The following EPB41 variants were observed in gnomAD, a reference collection of about 807,000 sequenced individuals.
EPB41 encodes protein 4.1.
In EPB41, 65 loss-of-function variants were observed where a neutral mutation model predicts 108.0. The observed-to-expected ratio is 0.60, with a 90% CI of 0.49 to 0.74. EPB41 has a LOEUF of 0.74. Ranked by LOEUF, EPB41 falls within the 30% of genes least tolerant of loss-of-function variation. The pLI, the probability that EPB41 is intolerant of heterozygous loss-of-function variation, is 0.00. For synonymous variants in EPB41, 336 were observed against 358.9 expected, an observed-to-expected ratio of 0.94 and a Z score of 0.72; for missense variants, 875 against 1,037.0, an observed-to-expected ratio of 0.84 and a Z score of 2.15.
intron 11 of EPB41, among the ~76,000 whole-genome samples, chr1:29,052,764 C>T (rs1276670462): frequency 6.6e-6 from 1 of 151,574 alleles, no homozygotes; most frequent in African/African-American, 2.4e-5. Flanking sequence ...CCCTTTTTTT[C>T]CTGCCATAGA....
intron 1 of EPB41, among the ~76,000 whole-genome samples, chr1:28,896,542 G>A (rs1394294379): frequency 6.6e-6 from 1 of 152,222 alleles, no homozygotes; most frequent in Non-Finnish European, 1.5e-5. Context: ...AGAAGATGCA[G>A]AAATCACCAA....
Position 28,987,923 on chromosome 1 carries a change from T to A in EPB41, c.468+18T>A, listed in dbSNP as rs1451344480. Reference sequence around the variant, plus strand: ...AAACACAGGTAAGGATGTGTGGATATGGGAGGTGGGCAAAGGAAGGCAGGT... The same window carrying A: ...AAACACAGGTAAGGATGTGTGGATAAGGGAGGTGGGCAAAGGAAGGCAGGT... On this transcript the variant is annotated intron_variant, in intron 2 of 20. Transcript: ENST00000343067. The A allele has an allele frequency of 6.2e-7, 1 of 1,611,354 alleles. No homozygotes were observed. The highest frequency in any genetic ancestry group is 8.5e-7 in the Non-Finnish European group (1 of 1,177,574).
intron 16 of EPB41, chr1:29,070,599 G>T: frequency 8.1e-7 from 1 of 1,232,074 alleles, no homozygotes. Context: ...GCTGTTTGGT[G>T]GTTGGTCTTT....
chr1:29,036,088 T>G (rs1399008251), intron 10 of EPB41, among the ~76,000 whole-genome samples, 165 bp downstream of exon 10: 1 of 152,118 alleles, frequency 6.6e-6, no homozygotes, highest in East Asian at 1.9e-4. Context: ...TCCCTTTGGG[T>G]TGAAAAGTAT....
At chr1:29,056,387 G>A (rs760636607) in intron 12 of EPB41, among the ~76,000 whole-genome samples, 6 of 152,060 alleles carry the variant, frequency 3.9e-5, no homozygotes, top group Non-Finnish European at 8.8e-5. Context: ...TTAGTTTGGT[G>A]CCAGATAGAG....
At chr1:29,098,455 A>G (rs1252151876) in intron 17 of EPB41, among the ~76,000 whole-genome samples, 2 of 152,156 alleles carry the variant, frequency 1.3e-5, no homozygotes, top group Non-Finnish European at 2.9e-5. Context: ...TTGGCCTCCC[A>G]AAGTGCTGAG....
At chr1:29,068,969 C>T (rs1649886500) in intron 16 of EPB41, among the ~76,000 whole-genome samples, 1 of 152,186 alleles carries the variant, frequency 6.6e-6, no homozygotes, top group Non-Finnish European at 1.5e-5. Flanking sequence ...GCAGCTTTTG[C>T]AGCTTTCGAT....
intron 12 of EPB41, among the ~76,000 whole-genome samples, chr1:29,054,808 GC>G (rs1645100710): frequency 6.6e-6 from 1 of 151,928 alleles, no homozygotes; most frequent in Non-Finnish European, 1.5e-5. Flanking sequence ...CACCGAGATC[GC>G]CCACTGCACT....
chr1:29,079,384 G>A (rs929768224), intron 16 of EPB41, among the ~76,000 whole-genome samples: 2 of 151,334 alleles, frequency 1.3e-5, no homozygotes, highest in African/African-American at 4.8e-5. Flanking sequence ...TACAGAAAAC[G>A]TCTTAGAAGT....
intron 1 of EPB41, among the ~76,000 whole-genome samples, chr1:28,892,045 A>T (rs1390376407): frequency 7.3e-6 from 1 of 137,798 alleles, no homozygotes; most frequent in African/African-American, 2.7e-5. Flanking sequence ...GTGAGCCAAG[A>T]TCGTGCCACT....
intron 1 of EPB41, among the ~76,000 whole-genome samples, chr1:28,945,162 C>T (rs1178993333): frequency 6.6e-6 from 1 of 151,072 alleles, no homozygotes; most frequent in Non-Finnish European, 1.5e-5. Context: ...TAATACTTTA[C>T]CATCTAAAAT....
At chr1:28,892,797 CTTTTTTTTTT>C (rs995428093) in intron 1 of EPB41, among the ~76,000 whole-genome samples, 2 of 87,234 alleles carry the variant, frequency 2.3e-5, no homozygotes, top group Non-Finnish European at 4.3e-5. Context: ...TTCCCAGGTT[CTTTTTTTTTT>C]TTTTTTTTTT....
At chr1:29,070,376 G>A in intron 16 of EPB41, 1 of 1,232,098 alleles carries the variant, frequency 8.1e-7, no homozygotes, top group Middle Eastern at 3.1e-4. Flanking sequence ...ACAGGAACGT[G>A]CTCTGTTAGT....
At chr1:28,932,129 T>G (rs2093780999) in intron 1 of EPB41, among the ~76,000 whole-genome samples, 1 of 152,174 alleles carries the variant, frequency 6.6e-6, no homozygotes, top group Non-Finnish European at 1.5e-5. Context: ...TGTTTTGTTT[T>G]TTGTTTTTTT....
intron 1 of EPB41, among the ~76,000 whole-genome samples, chr1:28,921,743 CAT>C (rs1226740047): frequency 4.0e-5 from 6 of 151,556 alleles, no homozygotes; most frequent in Non-Finnish European, 8.8e-5. Context: ...TCTTCCTACA[CAT>C]GTGTCTTTAG....
At chr1:28,911,874 C>T (rs2092275664), upstream of EPB41, among the ~76,000 whole-genome samples, 1 of 141,300 alleles carries the variant, frequency 7.1e-6, no homozygotes, top group Non-Finnish European at 1.5e-5. Flanking sequence ...GAAACCCCAT[C>T]TCTATTAACA....
intron 17 of EPB41, among the ~76,000 whole-genome samples, chr1:29,102,804 C>T (rs1486092975): frequency 6.6e-6 from 1 of 151,772 alleles, no homozygotes; most frequent in Non-Finnish European, 1.5e-5. Context: ...CAGAGTTTCC[C>T]TCTTGTCGCC....
chr1:29,009,992 T>C (rs1400270544), intron 4 of EPB41, among the ~76,000 whole-genome samples: 1 of 152,176 alleles, frequency 6.6e-6, no homozygotes, highest in Non-Finnish European at 1.5e-5. Context: ...CACCATATGC[T>C]CTGCCCTTGT....
At chr1:29,013,697 T>C (rs1045019674) in intron 5 of EPB41, among the ~76,000 whole-genome samples, 1 of 152,024 alleles carries the variant, frequency 6.6e-6, no homozygotes, top group Non-Finnish European at 1.5e-5. Context: ...TGGCTAATTT[T>C]GTATTATTTT....
Sources: allele counts gnomAD v4.1 joint callset (sites outside exome capture counted in the v4.1 genomes callset), GRCh38; gene constraint gnomAD v4.1.1; transcripts MANE v1.5; gene names NCBI Gene and HGNC (gene_info 2026-07-23, HGNC 2026-07-21).